The following UTRN variants were observed in gnomAD, a reference collection of about 807,000 sequenced individuals.
The protein encoded by UTRN is dystrophin-related protein 1.
Under a neutral mutation model 463.9 loss-of-function variants are expected in UTRN, and 283 were observed. The ratio of observed to expected loss-of-function variants is 0.61; its 90% confidence interval spans 0.55 to 0.67. The LOEUF is 0.67. Ranked by LOEUF, UTRN falls within the 30% of genes least tolerant of loss-of-function variation. UTRN has a pLI of 0.00. For missense variants in UTRN, 3,922 were observed against 4,084.3 expected, an observed-to-expected ratio of 0.96 and a Z score of 1.08; for synonymous variants, 1,442 against 1,431.5, an observed-to-expected ratio of 1.01 and a Z score of -0.17.
chr6:144,807,553 G>A lies in UTRN; in HGVS notation c.9357+4406G>A, dbSNP rs917018628. On this transcript the variant is annotated intron_variant, in intron 65 of 74. Transcript: ENST00000367545. ...AATAAGAGTTGATCTTCAAGAGACA[G>A]CATGACACAGATGATATTTAATGCC... 2.0e-5 allele frequency among the ~76,000 whole-genome samples: 3 copies of A among 152,140 alleles called. No homozygotes were observed. In the East Asian group the frequency reaches 5.8e-4, roughly 29 times the overall value.
chr6:144,490,711 C>T (rs1792976063), intron 31 of UTRN, among the ~76,000 whole-genome samples: 2 of 152,174 alleles, frequency 1.3e-5, no homozygotes. Flanking sequence ...GAGATTGAGA[C>T]ACTGAGTGTT....
intron 9 of UTRN, 79 bp downstream of exon 9, chr6:144,429,820 G>A (rs1785636826): frequency 6.7e-7 from 1 of 1,492,592 alleles, no homozygotes; most frequent in African/African-American, 1.4e-5. Flanking sequence ...CACTTTTAGA[G>A]GGTTTTTTTC....
At chr6:144,504,865 T>A (rs1794564576) in intron 34 of UTRN, among the ~76,000 whole-genome samples, 1 of 152,240 alleles carries the variant, frequency 6.6e-6, no homozygotes, top group African/African-American at 2.4e-5. Flanking sequence ...TCTGGTAGAA[T>A]TCAGCTGTGA....
intron 53 of UTRN, among the ~76,000 whole-genome samples, chr6:144,726,172 AC>A (rs1282520228): frequency 2.0e-5 from 3 of 152,002 alleles, no homozygotes; most frequent in African/African-American, 7.2e-5. Context: ...ATCTGACAAT[AC>A]CCCCCAACTT....
intron 61 of UTRN, 59 bp from the exon 62 acceptor site, chr6:144,789,135 T>C: frequency 7.5e-7 from 1 of 1,326,956 alleles, no homozygotes; most frequent in South Asian, 1.3e-5. Context: ...TCAGAAACAA[T>C]GAACATGCTG....
intron 34 of UTRN, among the ~76,000 whole-genome samples, chr6:144,505,720 G>T (rs971073590): frequency 6.6e-6 from 1 of 152,208 alleles, no homozygotes; most frequent in African/African-American, 2.4e-5. Context: ...TGAGAAGAAT[G>T]TATATTCTGT....
intron 28 of UTRN, among the ~76,000 whole-genome samples, chr6:144,486,390 A>C (rs569038912): frequency 2.6e-4 from 40 of 152,384 alleles, no homozygotes; most frequent in African/African-American, 9.4e-4. Flanking sequence ...TGGAAAATAA[A>C]GAAAAGTATA....
intron 62 of UTRN, among the ~76,000 whole-genome samples, chr6:144,792,376 T>C (rs1244312558): frequency 6.6e-6 from 1 of 152,124 alleles, no homozygotes; most frequent in Non-Finnish European, 1.5e-5. Context: ...GGAGAAACCC[T>C]GTCTCTACTA....
chr6:144,341,000 T>C (rs565066343), intron 2 of UTRN, among the ~76,000 whole-genome samples: 15 of 152,382 alleles, frequency 9.8e-5, no homozygotes, highest in African/African-American at 3.6e-4. Flanking sequence ...GGAAGTTATA[T>C]TGGCTGTTAC....
At chr6:144,290,518 A>G (rs930559834) in intron 1 of UTRN, among the ~76,000 whole-genome samples, 4 of 152,216 alleles carry the variant, frequency 2.6e-5, no homozygotes, top group African/African-American at 9.7e-5. Context: ...ATTCAATTGC[A>G]TGATGCCCCA....
chr6:144,433,273 C>A (rs1266698270), intron 9 of UTRN, among the ~76,000 whole-genome samples: 1 of 148,084 alleles, frequency 6.8e-6, no homozygotes, highest in African/African-American at 2.5e-5. Flanking sequence ...CAGGCAGAGG[C>A]GCCCCTCACC....
intron 50 of UTRN, among the ~76,000 whole-genome samples, chr6:144,561,322 A>G (rs1799893634): frequency 6.8e-6 from 1 of 147,210 alleles, no homozygotes; most frequent in Non-Finnish European, 1.5e-5. Context: ...ATACACATAT[A>G]TGTGTGTGTT....
intron 51 of UTRN, among the ~76,000 whole-genome samples, chr6:144,612,729 G>T (rs1231736429): frequency 6.6e-6 from 1 of 151,926 alleles, no homozygotes; most frequent in African/African-American, 2.4e-5. Flanking sequence ...ACAGAGAAAA[G>T]GAAAAGAACT....
intron 54 of UTRN, among the ~76,000 whole-genome samples, chr6:144,737,965 T>C (rs1318958918): frequency 6.6e-6 from 1 of 152,182 alleles, no homozygotes; most frequent in Admixed American, 6.5e-5. Flanking sequence ...CCCAATGAGT[T>C]GAGCCGATCA....
At chr6:144,295,410 C>G (rs977546707) in intron 2 of UTRN, among the ~76,000 whole-genome samples, 9 of 152,210 alleles carry the variant, frequency 5.9e-5, no homozygotes, top group African/African-American at 2.2e-4. Flanking sequence ...AGTGTGTCAG[C>G]TGGCTCCATG....
At chr6:144,799,526 T>C (rs78815199) in intron 64 of UTRN, 21,868 of 471,282 alleles carry the variant, frequency 0.046, 680 homozygotes, top group South Asian at 0.076. Flanking sequence ...ACATTTGGAG[T>C]ATCTGGTAGA....
At chr6:144,468,622 G>T (rs1011005435) in intron 23 of UTRN, among the ~76,000 whole-genome samples, 1 of 151,896 alleles carries the variant, frequency 6.6e-6, no homozygotes, top group Non-Finnish European at 1.5e-5. Flanking sequence ...GTGTGCATGC[G>T]TGTGTTCTGT....
intron 52 of UTRN, among the ~76,000 whole-genome samples, chr6:144,695,864 G>A (rs1783949300): frequency 6.6e-6 from 1 of 152,090 alleles, no homozygotes; most frequent in South Asian, 2.1e-4. Context: ...TGGATAACAT[G>A]GGTTTAAATT....
At chr6:144,716,302 CTGT>C (rs1207954321) in intron 53 of UTRN, among the ~76,000 whole-genome samples, 1 of 150,356 alleles carries the variant, frequency 6.7e-6, no homozygotes, top group East Asian at 1.9e-4. Context: ...GTGCTTCTCT[CTGT>C]TGTAGGAATT....
Sources: allele counts gnomAD v4.1 joint callset (sites outside exome capture counted in the v4.1 genomes callset), GRCh38; gene constraint gnomAD v4.1.1; transcripts MANE v1.5; gene names NCBI Gene and HGNC (gene_info 2026-07-23, HGNC 2026-07-21).